The following USP34 variants were observed in gnomAD, a reference collection of about 807,000 sequenced individuals.
USP34 encodes the protein ubiquitin specific peptidase 34, also known as ubiquitin carboxyl-terminal hydrolase 34.
A neutral mutation model predicts 460.3 loss-of-function variants in USP34; 70 were observed. That is an observed-to-expected ratio of 0.15 (90% CI 0.13 to 0.19). The LOEUF (loss-of-function observed/expected upper bound fraction) is 0.19, where lower values mean the gene tolerates loss of function less well. Among genes scored for constraint, USP34 ranks in the 10% least tolerant of loss-of-function variants. The pLI is 1.00. For synonymous variants in USP34, 1,647 were observed against 1,405.3 expected (o/e 1.17, Z -3.85); for missense variants, 3,985 against 4,236.2 (o/e 0.94, Z 1.65).
chr2:61,463,850 T>A (rs905449940), intron 1 of USP34, among the ~76,000 whole-genome samples: 3 of 149,652 alleles, frequency 2.0e-5, no homozygotes, highest in African/African-American at 7.4e-5. Context: ...AAAAAAAAAC[T>A]CTTAGCCTAA....
Position 61,187,490 on chromosome 2 carries a change from A to G in USP34, c.*612T>C. The G allele has an allele frequency of 1.0e-6, 1 of 967,454 alleles. No homozygotes were observed. Among genetic ancestry groups the G allele is most frequent in the Non-Finnish European group, 1.2e-6 (1 of 824,794 alleles). The allele number at this position is 967,454 out of a possible 1,614,324, so 59.9% of individuals were successfully genotyped here. A position where few individuals can be genotyped will look rare whatever the true frequency, so the allele number is the denominator to read the frequency against. ...AAAAGTCATCACAATCAGTTTAATT[A>G]AGTGCACAGAATAGCAATCAATCAA... On this transcript the variant is annotated 3_prime_UTR_variant, in exon 80 of 80. Transcript: ENST00000398571.
rs1193011158 is a variant in USP34, at chr2:61,190,334, C to G, written c.9810G>C (p.Gln3270His). The G allele has an allele frequency of 6.2e-7, 1 of 1,613,790 alleles. No homozygotes were observed. Among genetic ancestry groups the G allele is most frequent in the South Asian group, 1.1e-5 (1 of 90,954 alleles). The part of the protein sequence containing the change: ...TLITNLISQY[Q>H]NLQSDFSNRV... ...GGTTGGAGAAATCAGACTGTAGGTT[C>G]TGATACTGGCTTATCAAGTTTGTAA... Residue 3270 changes from glutamine (Q) to histidine (H), a missense_variant, in exon 78 of 80, where the codon CAG becomes CAC. Physicochemically the swap from Gln to His is conservative, Grantham distance 24. This residue lies in a region of USP34 where 506 missense variants were observed against 439.0 expected (regional missense o/e 1.15). Transcript: ENST00000398571.
chr2:61,288,707 A>G lies in USP34; in HGVS notation c.4719T>C (p.Ala1573=). The part of the protein sequence containing the change: ...GKSRKAAGDH[A]KGLHIPRLTE... ...TTAATCGTGGTATATGAAGACCCTT[A>G]GCATGATCACCAGCAGCCTTCCTTG... Residue 1573 remains alanine, a synonymous_variant, in exon 34 of 80, where the codon GCT becomes GCC. Coordinates refer to ENST00000398571, the MANE Select transcript of USP34 (RefSeq NM_014709.4). 6.2e-7 allele frequency: 1 copy of G among 1,614,026 alleles called. No individual in the cohort carries two copies. Among genetic ancestry groups the G allele is most frequent in the Non-Finnish European group, 8.5e-7 (1 of 1,179,932 alleles).
In USP34 at chr2:61,188,693, A is replaced by G; in HGVS notation, c.10050T>C (p.Thr3350=). The change falls in exon 80 of 80, where the codon ACT becomes ACC. Residue 3350 remains threonine, a synonymous_variant. Transcript: ENST00000398571. The part of the protein sequence containing the change: ...ERKTKDDEGA[T]PIKRRRVSSD... ...TGCTAACACGCCGCCTTTTAATGGG[A>G]GTTGCTCCTTCATCATCTGTGAAAA... 6.2e-7 allele frequency: 1 copy of G among 1,613,118 alleles called. No individual in the cohort carries two copies. Among genetic ancestry groups the G allele is most frequent in the Non-Finnish European group, 8.5e-7 (1 of 1,179,620 alleles).
intron 10 of USP34, among the ~76,000 whole-genome samples, chr2:61,355,157 G>T (rs1373737184): frequency 1.3e-5 from 2 of 152,096 alleles, no homozygotes; most frequent in Non-Finnish European, 2.9e-5. Context: ...CAAAAGTTCT[G>T]GGGAATAATG....
intron 68 of USP34, among the ~76,000 whole-genome samples, chr2:61,213,477 C>A (rs1216101971): frequency 6.6e-6 from 1 of 152,072 alleles, no homozygotes; most frequent in Non-Finnish European, 1.5e-5. Context: ...AAGTTATTAA[C>A]CAGGTTTGAC....
At chr2:61,288,637 A>G (rs1381956384) in intron 34 of USP34, 40 bp downstream of exon 34, 2 of 1,585,504 alleles carry the variant, frequency 1.3e-6, no homozygotes, top group African/African-American at 2.7e-5. Context: ...TTATAAAAAT[A>G]AATGGAATTC....
chr2:61,398,579 C>CG (rs11397460), intron 3 of USP34, among the ~76,000 whole-genome samples: 101,538 of 103,974 alleles, frequency 0.98, 49,572 homozygotes, highest in East Asian at 1. Context: ...AGGGGAAAGT[C>CG]GGGGGAGGGA....
At chr2:61,267,428 G>GA (rs1236241549) in intron 41 of USP34, among the ~76,000 whole-genome samples, 3 of 151,918 alleles carry the variant, frequency 2.0e-5, no homozygotes, top group Non-Finnish European at 4.4e-5. Flanking sequence ...AGGAAATATG[G>GA]AAAGTGGTTA....
At position 61,295,159 on chromosome 2, in the gene USP34, T is replaced by G; in HGVS notation, c.4377+9A>C. On this transcript the variant is annotated intron_variant, in intron 31 of 79. Coordinates refer to ENST00000398571, the MANE Select transcript of USP34 (RefSeq NM_014709.4). ...AAACATTTAATGATAATAATGGAAA[T>G]GCAATTACCGTAGACTCCCTCCTTA... The G allele has an allele frequency of 6.2e-7, 1 of 1,604,080 alleles. No homozygotes were observed. The highest frequency in any genetic ancestry group is 8.5e-7 in the Non-Finnish European group (1 of 1,177,312).
intron 67 of USP34, among the ~76,000 whole-genome samples, chr2:61,218,136 T>A (rs183205866): frequency 6.6e-6 from 1 of 151,318 alleles, no homozygotes; most frequent in East Asian, 1.9e-4. Context: ...AATAGCTGGC[T>A]GAAAAACCTT....
At chr2:61,365,099 A>G (rs1014251956) in intron 10 of USP34, among the ~76,000 whole-genome samples, 1 of 151,952 alleles carries the variant, frequency 6.6e-6, no homozygotes, top group Non-Finnish European at 1.5e-5. Flanking sequence ...TAAAACTACA[A>G]AAATTAGCCA....
chr2:61,286,382 G>A (rs1689690371), intron 34 of USP34, among the ~76,000 whole-genome samples: 1 of 152,018 alleles, frequency 6.6e-6, no homozygotes, highest in Admixed American at 6.6e-5. Context: ...TTGGCCCAGA[G>A]CGGTGGCTCA....
rs754422775 is a variant in USP34, at chr2:61,265,591, C to A, written c.5618-34G>T. 14 of 1,569,678 alleles carry A rather than the reference C, an allele frequency of 8.9e-6. No homozygotes were observed. In the African/African-American group the frequency reaches 1.5e-4, roughly 17 times the overall value. On this transcript the variant is annotated intron_variant, in intron 42 of 79. Coordinates refer to ENST00000398571, the MANE Select transcript of USP34 (RefSeq NM_014709.4). ...GAAAGAGGGAGGAAAAGATCCCCCC[C>A]AAACAAACTATGAAACACAATGTAT...
intron 5 of USP34, among the ~76,000 whole-genome samples, chr2:61,386,733 T>C (rs1486150181): frequency 6.6e-6 from 1 of 152,082 alleles, no homozygotes; most frequent in African/African-American, 2.4e-5. Context: ...GATGTTGCAG[T>C]GAGCTGAGAT....
At chr2:61,323,609 A>G (rs1054505154) in intron 21 of USP34, among the ~76,000 whole-genome samples, 2 of 151,962 alleles carry the variant, frequency 1.3e-5, no homozygotes, top group Admixed American at 6.6e-5. Flanking sequence ...CTTGGAGGGC[A>G]GGTGAAGTGG....
intron 71 of USP34, 33 bp from the exon 72 acceptor site, chr2:61,206,157 T>C (rs780100122): frequency 6.4e-7 from 1 of 1,561,404 alleles, no homozygotes; most frequent in Non-Finnish European, 8.8e-7. Context: ...AAATATGCCA[T>C]CTGAGATCAA....
In USP34 at chr2:61,188,767, G is replaced by T. The variant is rs1002964594; in HGVS notation, c.10034-58C>A. 9 of 1,578,058 alleles carry T rather than the reference G, an allele frequency of 5.7e-6. No homozygotes were observed. In the Admixed American group the frequency reaches 7.5e-5, roughly 13 times the overall value. On this transcript the variant is annotated intron_variant, in intron 79 of 79. Coordinates refer to ENST00000398571, the MANE Select transcript of USP34 (RefSeq NM_014709.4). Reference sequence around the variant, plus strand: ...CTGAAAGTCATTAAGATCACGTTAGGGGGGGATGTGGGAAGTTAATTTTGT... The same window carrying T: ...CTGAAAGTCATTAAGATCACGTTAGTGGGGGATGTGGGAAGTTAATTTTGT...
chr2:61,451,174 T>C (rs1334130043), intron 1 of USP34, among the ~76,000 whole-genome samples: 1 of 119,502 alleles, frequency 8.4e-6, no homozygotes, highest in Non-Finnish European at 1.6e-5. Flanking sequence ...TGAGCCGAGA[T>C]CATGCCACTG....
Sources: gnomAD v4.1 joint callset for allele counts (sites outside exome capture counted in the v4.1 genomes callset) on GRCh38, gnomAD v4.1.1 for gene constraint, gnomAD v4.1.1 regional missense constraint, MANE v1.5 for transcripts, NCBI Gene and HGNC (gene_info 2026-07-23, HGNC 2026-07-21) for gene names.